Variants in GPRIN3 observed in about 807,000 individuals in gnomAD.
GPRIN3 encodes GPRIN family member 3, also known as G protein-regulated inducer of neurite outgrowth 3.
GPRIN3 carries 12 observed loss-of-function variants against 13.7 expected under a neutral mutation model. That is an observed-to-expected ratio of 0.87 (90% CI 0.56 to 1.42). The LOEUF is 1.42. Among genes scored for constraint, GPRIN3 ranks in the 40% most tolerant of loss-of-function variants. The pLI is 0.00. For synonymous variants in GPRIN3, 377 were observed against 372.7 expected, an observed-to-expected ratio of 1.01 and a Z score of -0.13; for missense variants, 1,009 against 958.7, an observed-to-expected ratio of 1.05 and a Z score of -0.69.
intron 1 of GPRIN3, among the ~76,000 whole-genome samples, chr4:89,303,006 C>CT (rs1380662277): frequency 6.6e-6 from 1 of 151,998 alleles, no homozygotes; most frequent in African/African-American, 2.4e-5. Flanking sequence ...CAAAATTGTT[C>CT]TATTCCAGAG....
Position 89,246,858 on chromosome 4 carries a change from G to A in GPRIN3, c.*922C>T, listed in dbSNP as rs887700617. 2 of 152,188 alleles carry A rather than the reference G, an allele frequency of 1.3e-5. No homozygotes were observed. The highest frequency in any genetic ancestry group is 4.8e-5 in the African/African-American group (2 of 41,442). 9.4% of individuals were successfully genotyped at this position (152,188 alleles called of 1,614,324 possible). ...AGTGTTTGGTAATCTGCTATTTATA[G>A]TTCCTGACCAGAACCTTAGCATTCT... On this transcript the variant is annotated 3_prime_UTR_variant, in exon 2 of 2. Coordinates refer to ENST00000609438, the MANE Select transcript of GPRIN3 (RefSeq NM_198281.3).
At position 89,239,098 on chromosome 4, in the gene GPRIN3, G is replaced by A. The variant is rs2149244801; in HGVS notation, c.*8682C>T. Reference sequence around the variant, plus strand: ...TTTTATTGGTCAATATCTGGAGGATGAGAACTTTCTGAAATGATTTTATGG... The same window carrying A: ...TTTTATTGGTCAATATCTGGAGGATAAGAACTTTCTGAAATGATTTTATGG... On this transcript the variant is annotated 3_prime_UTR_variant, in exon 2 of 2. Transcript: ENST00000609438. The A allele has an allele frequency of 6.6e-6, 1 of 152,222 alleles. No individual in the cohort carries two copies. Among genetic ancestry groups the A allele is most frequent in the East Asian group, 1.9e-4 (1 of 5,186 alleles). The allele number at this position is 152,222 out of a possible 1,614,324, so 9.4% of individuals were successfully genotyped here.
At position 89,241,697 on chromosome 4, in the gene GPRIN3, A is replaced by G. The variant is rs1409273337; in HGVS notation, c.*6083T>C. Reference sequence around the variant, plus strand: ...CAGCATCATTTTAAGACACGATGGAAAACATTAGGAAAAATAAGTTACGTA... The same window carrying G: ...CAGCATCATTTTAAGACACGATGGAGAACATTAGGAAAAATAAGTTACGTA... On this transcript the variant is annotated 3_prime_UTR_variant, in exon 2 of 2. Transcript: ENST00000609438. 1 of 152,188 alleles carries G rather than the reference A, an allele frequency of 6.6e-6. No individual in the cohort carries two copies. Among genetic ancestry groups the G allele is most frequent in the Non-Finnish European group, 1.5e-5 (1 of 68,016 alleles). 9.4% of individuals were successfully genotyped at this position (152,188 alleles called of 1,614,324 possible). A position where few individuals can be genotyped will look rare whatever the true frequency, so the allele number is the denominator to read the frequency against.
intron 1 of GPRIN3, among the ~76,000 whole-genome samples, chr4:89,283,694 G>A (rs781724608): frequency 6.6e-6 from 1 of 152,180 alleles, no homozygotes; most frequent in South Asian, 2.1e-4. Context: ...GTAAGCAACA[G>A]CAATGCTGCC....
chr4:89,265,469 G>C (rs1242822911), intron 1 of GPRIN3, among the ~76,000 whole-genome samples: 1 of 151,992 alleles, frequency 6.6e-6, no homozygotes, highest in African/African-American at 2.4e-5. Context: ...CAAAATTAAA[G>C]AATATTCTTT....
At chr4:89,273,408 G>A (rs764450790) in intron 1 of GPRIN3, among the ~76,000 whole-genome samples, 13 of 152,160 alleles carry the variant, frequency 8.5e-5, no homozygotes, top group Non-Finnish European at 1.8e-4. Context: ...TCGGTCGGGC[G>A]CAGTGGCTCA....
Position 89,240,684 on chromosome 4 carries a change from A to T in GPRIN3, c.*7096T>A, listed in dbSNP as rs1486135578. On this transcript the variant is annotated 3_prime_UTR_variant, in exon 2 of 2. Transcript: ENST00000609438. ...GTTGCTGGAGTTTTCTAAGCACAAAATCTGCTACCAGGGAGTAACACCATT... is the reference window on the plus strand; with the variant it reads ...GTTGCTGGAGTTTTCTAAGCACAAATTCTGCTACCAGGGAGTAACACCATT... 4 of 152,186 alleles carry T rather than the reference A, an allele frequency of 2.6e-5. No individual in the cohort carries two copies. Among genetic ancestry groups the T allele is most frequent in the Non-Finnish European group, 5.9e-5 (4 of 68,028 alleles). 9.4% of individuals were successfully genotyped at this position (152,186 alleles called of 1,614,324 possible).
chr4:89,280,701 G>C (rs1724222223), intron 1 of GPRIN3, among the ~76,000 whole-genome samples: 1 of 152,124 alleles, frequency 6.6e-6, no homozygotes, highest in Non-Finnish European at 1.5e-5. Flanking sequence ...ACAGGGTTAG[G>C]GTGGGCCCTA....
intron 1 of GPRIN3, among the ~76,000 whole-genome samples, chr4:89,266,458 T>C (rs1259221283): frequency 6.6e-6 from 1 of 152,184 alleles, no homozygotes; most frequent in Non-Finnish European, 1.5e-5. Flanking sequence ...CACCACATAA[T>C]TTGACTACAA....
chr4:89,248,522 G>T lies in GPRIN3; in HGVS notation c.1589C>A (p.Thr530Asn). The T allele has an allele frequency of 6.2e-7, 1 of 1,613,354 alleles. No individual in the cohort carries two copies. The highest frequency in any genetic ancestry group is 1.3e-5 in the African/African-American group (1 of 74,982). ...KADHSGSLDP[T>N]NKGDAREKKP... Reference sequence around the variant, plus strand: ...CTTTTCCCTTGCATCTCCTTTATTAGTGGGATCCAAGCTCCCAGAATGATC... The same window carrying T: ...CTTTTCCCTTGCATCTCCTTTATTATTGGGATCCAAGCTCCCAGAATGATC... Residue 530 changes from threonine (T) to asparagine (N), a missense_variant, in exon 2 of 2, where the codon ACT (threonine) becomes AAT (asparagine). By Grantham distance (65) the Thr-to-Asn change is moderately conservative. Coordinates refer to ENST00000609438, the MANE Select transcript of GPRIN3 (RefSeq NM_198281.3).
chr4:89,292,442 T>C (rs1724599478), intron 1 of GPRIN3, among the ~76,000 whole-genome samples: 1 of 152,216 alleles, frequency 6.6e-6, no homozygotes, highest in African/African-American at 2.4e-5. Context: ...AATTATTAAT[T>C]AATTAACTTC....
At position 89,239,595 on chromosome 4, in the gene GPRIN3, T is replaced by G. The variant is rs187271154; in HGVS notation, c.*8185A>C. The G allele has an allele frequency of 2.6e-4, 39 of 152,338 alleles. No homozygotes were observed. The highest frequency in any genetic ancestry group is 9.4e-4 in the African/African-American group (39 of 41,574). The allele number at this position is 152,338 out of a possible 1,614,324, so 9.4% of individuals were successfully genotyped here. On this transcript the variant is annotated 3_prime_UTR_variant, in exon 2 of 2. Coordinates refer to ENST00000609438, the MANE Select transcript of GPRIN3 (RefSeq NM_198281.3). The stretch of plus-strand genomic sequence containing the variant: ...TTAAATGTTATTCTTAACTTTCTAC[T>G]GAGAAGTGGTTGTTTGTACTTTGCC...
chr4:89,299,467 C>G (rs1291734418), intron 1 of GPRIN3, among the ~76,000 whole-genome samples: 3 of 152,142 alleles, frequency 2.0e-5, no homozygotes, highest in Non-Finnish European at 4.4e-5. Context: ...AGACAGCTTT[C>G]CCTACCGAAG....
chr4:89,265,157 G>A (rs1179965162), intron 1 of GPRIN3, among the ~76,000 whole-genome samples: 2 of 152,062 alleles, frequency 1.3e-5, no homozygotes, highest in African/African-American at 4.8e-5. Context: ...GTGTTTTGGG[G>A]ATAATTATAG....
At chr4:89,254,572 G>A (rs1723417725) in intron 1 of GPRIN3, among the ~76,000 whole-genome samples, 1 of 152,058 alleles carries the variant, frequency 6.6e-6, no homozygotes, top group Admixed American at 6.6e-5. Context: ...TTTTTTTATG[G>A]CTGCATAGTA....
chr4:89,284,563 AAT>A (rs1724347757), intron 1 of GPRIN3, among the ~76,000 whole-genome samples: 1 of 152,198 alleles, frequency 6.6e-6, no homozygotes, highest in Non-Finnish European at 1.5e-5. Context: ...TAACAGCAAT[AAT>A]ATTAGTGATT....
rs1723096226 is a variant in GPRIN3, at chr4:89,246,278, C to G, written c.*1502G>C. 1 of 152,170 alleles carries G rather than the reference C, an allele frequency of 6.6e-6. No homozygotes were observed. The highest frequency in any genetic ancestry group is 2.4e-5 in the African/African-American group (1 of 41,422). 9.4% of individuals were successfully genotyped at this position (152,170 alleles called of 1,614,324 possible). ...AGTTCAAAGAAGACAACCGGTGCCCCTCCAGCATCTAAGTCTGGTTTTCTA... is the reference window on the plus strand; with the variant it reads ...AGTTCAAAGAAGACAACCGGTGCCCGTCCAGCATCTAAGTCTGGTTTTCTA... On this transcript the variant is annotated 3_prime_UTR_variant, in exon 2 of 2. Transcript: ENST00000609438.
chr4:89,298,664 T>C (rs1227737598), intron 1 of GPRIN3, among the ~76,000 whole-genome samples: 1 of 151,462 alleles, frequency 6.6e-6, no homozygotes, highest in African/African-American at 2.4e-5. Context: ...CATACATACA[T>C]ATATATATAT....
intron 1 of GPRIN3, among the ~76,000 whole-genome samples, chr4:89,260,680 C>A (rs560570880): frequency 2.0e-5 from 3 of 152,282 alleles, no homozygotes; most frequent in East Asian, 3.9e-4. Context: ...ATTTCTAATT[C>A]AATTGACATT....
Sources: gnomAD v4.1 joint callset for allele counts (sites outside exome capture counted in the v4.1 genomes callset) on GRCh38, gnomAD v4.1.1 for gene constraint, MANE v1.5 for transcripts, NCBI Gene and HGNC (gene_info 2026-07-23, HGNC 2026-07-21) for gene names.